The following PLA1A variants were observed in gnomAD, a reference collection of about 807,000 sequenced individuals.
PLA1A encodes phosphatidylserine-specific phospholipase A1alpha.
Under a neutral mutation model 49.4 loss-of-function variants are expected in PLA1A, and 47 were observed. The observed-to-expected ratio is 0.95, with a 90% CI of 0.75 to 1.21. The LOEUF (loss-of-function observed/expected upper bound fraction) is 1.21, where lower values mean the gene tolerates loss of function less well. Among genes scored for constraint, PLA1A ranks in the 50% most tolerant of loss-of-function variants. PLA1A has a pLI of 0.00. For synonymous variants in PLA1A, 224 were observed against 207.9 expected (o/e 1.08, Z -0.67); for missense variants, 561 against 563.9 (o/e 0.99, Z 0.05).
intron 5 of PLA1A, among the ~76,000 whole-genome samples, chr3:119,614,758 C>CT (rs1005681332): frequency 7.5e-4 from 113 of 151,584 alleles, no homozygotes; most frequent in Admixed American, 3.4e-3. Context: ...AAAAAACATT[C>CT]TATTTATTCA....
chr3:119,605,760 T>G (rs2082678002), intron 1 of PLA1A, among the ~76,000 whole-genome samples: 3 of 152,248 alleles, frequency 2.0e-5, no homozygotes, highest in African/African-American at 7.2e-5. Context: ...GGCCAGATTT[T>G]CAGCTCCCTG....
At chr3:119,617,874 T>C in intron 6 of PLA1A, 145 bp from the exon 7 acceptor site, 1 of 575,242 alleles carries the variant, frequency 1.7e-6, no homozygotes, top group South Asian at 2.9e-5. Context: ...CCATGTACAC[T>C]AATATTCTGA....
chr3:119,612,969 C>A, intron 4 of PLA1A, 48 bp from the exon 5 acceptor site: 2 of 1,238,816 alleles, frequency 1.6e-6, no homozygotes, highest in Non-Finnish European at 2.3e-6. Context: ...CATGAATGTT[C>A]CTGCAGCTGA....
chr3:119,603,956 C>CT (rs2076890131), intron 1 of PLA1A, among the ~76,000 whole-genome samples: 3 of 152,232 alleles, frequency 2.0e-5, no homozygotes, highest in Admixed American at 6.5e-5. Context: ...AACTCAACCA[C>CT]TAGAGCTTCC....
At chr3:119,620,529 A>G (rs13318540) in intron 8 of PLA1A, among the ~76,000 whole-genome samples, 74,710 of 152,056 alleles carry the variant, frequency 0.49, 19,068 homozygotes, top group East Asian at 0.89. Context: ...GTGATCAGGA[A>G]CAAGTTATTT....
chr3:119,618,929 T>C (rs997097128), intron 7 of PLA1A, among the ~76,000 whole-genome samples: 2 of 152,224 alleles, frequency 1.3e-5, no homozygotes, highest in African/African-American at 4.8e-5. Flanking sequence ...GTAGGGTAGC[T>C]TCCAATGATA....
Position 119,618,100 on chromosome 3 carries a change from C to A in PLA1A, c.836C>A (p.Ala279Asp). 1 of 1,613,938 alleles carries A rather than the reference C, an allele frequency of 6.2e-7. No individual in the cohort carries two copies. Among genetic ancestry groups the A allele is most frequent in the Non-Finnish European group, 8.5e-7 (1 of 1,179,824 alleles). The change falls in exon 7 of 11, where the codon GCC becomes GAC. Residue 279 changes from alanine to aspartate, a missense_variant. Physicochemically the swap from Ala to Asp is moderately radical, Grantham distance 126 (BLOSUM62 -2). Coordinates refer to ENST00000273371, the MANE Select transcript of PLA1A (RefSeq NM_015900.4). Reference protein sequence around the residue: ...SALENSCPLMAFPCASYKAFL... With the variant: ...SALENSCPLMDFPCASYKAFL... ...CTGGAGAATTCCTGTCCACTGATGG[C>A]CTTTCCCTGTGCCAGCTACAAGGCC...
intron 7 of PLA1A, among the ~76,000 whole-genome samples, chr3:119,619,199 G>T (rs1260834647): frequency 6.6e-6 from 1 of 152,186 alleles, no homozygotes; most frequent in Non-Finnish European, 1.5e-5. Context: ...CTAGTCTTCA[G>T]GTCAAACACT....
chr3:119,606,724 A>C (rs1180946240), intron 1 of PLA1A, 50 bp from the exon 2 acceptor site: 1 of 1,470,728 alleles, frequency 6.8e-7, no homozygotes, highest in Non-Finnish European at 9.5e-7. Flanking sequence ...CCTTCTAAGA[A>C]CAGATGACCT....
At chr3:119,615,848 AAAG>A (rs889046019) in intron 5 of PLA1A, among the ~76,000 whole-genome samples, 161 bp from the exon 6 acceptor site, 1 of 151,974 alleles carries the variant, frequency 6.6e-6, no homozygotes, top group African/African-American at 2.4e-5. Flanking sequence ...AAAGAAAAGA[AAAG>A]AAAAGAAAAG....
chr3:119,618,225 G>A (rs756999514), intron 7 of PLA1A, 39 bp downstream of exon 7: 6 of 1,538,490 alleles, frequency 3.9e-6, no homozygotes, highest in Non-Finnish European at 5.3e-6. Flanking sequence ...GACAATGTGG[G>A]GAAGTTCAAG....
At chr3:119,614,117 C>G (rs1338190227) in intron 5 of PLA1A, among the ~76,000 whole-genome samples, 3 of 152,126 alleles carry the variant, frequency 2.0e-5, no homozygotes, top group Non-Finnish European at 4.4e-5. Context: ...GCTTGCAGCT[C>G]AAGTTAGAGA....
chr3:119,613,445 TG>T (rs1560081820), intron 5 of PLA1A, among the ~76,000 whole-genome samples: 1 of 152,264 alleles, frequency 6.6e-6, no homozygotes, highest in Non-Finnish European at 1.5e-5. Flanking sequence ...CATTGCTGCC[TG>T]GCTGACTTAC....
At chr3:119,620,814 A>G (rs2082918906) in intron 8 of PLA1A, among the ~76,000 whole-genome samples, 1 of 152,180 alleles carries the variant, frequency 6.6e-6, no homozygotes, top group South Asian at 2.1e-4. Context: ...TCATGTCCTT[A>G]TCAGCTCTTT....
At chr3:119,627,561 C>T (rs2052559421) in intron 9 of PLA1A, among the ~76,000 whole-genome samples, 3 of 152,208 alleles carry the variant, frequency 2.0e-5, no homozygotes, top group Admixed American at 1.3e-4. Context: ...CAAAGAGGCC[C>T]TATCACCACT....
At chr3:119,600,128 T>G (rs1183646635) in intron 1 of PLA1A, 2 of 471,758 alleles carry the variant, frequency 4.2e-6, no homozygotes, top group Non-Finnish European at 7.6e-6. Context: ...AGAGCTCAAA[T>G]GATCGGGAGG....
rs576146648 is a variant in PLA1A at position 119,602,914 on chromosome 3, A to G, written c.74-3860A>G. Among the ~76,000 whole-genome samples the G allele has an allele frequency of 6.6e-5, 10 of 152,308 alleles. No individual in the cohort carries two copies. In the South Asian group the frequency reaches 1.7e-3, roughly 25 times the overall value. On this transcript the variant is annotated intron_variant, in intron 1 of 10. Coordinates refer to ENST00000273371, the MANE Select transcript of PLA1A (RefSeq NM_015900.4). ...GAAGGAGGGGAAGGAACTGCCATGT[A>G]GATACATAAGGGAAATGCATTCCAG...
rs200470239 is a variant in PLA1A at position 119,629,428 on chromosome 3, G to C, written c.1331G>C (p.Ser444Thr). 3.1e-4 allele frequency: 493 copies of C among 1,611,980 alleles called. No homozygotes were observed. Among genetic ancestry groups the C allele is most frequent in the Non-Finnish European group, 4.0e-4 (470 of 1,178,274 alleles). The change falls in exon 11 of 11, where the codon AGT (serine) becomes ACT (threonine). Residue 444 changes from serine (S) to threonine (T), a missense_variant. By Grantham distance (58) the Ser-to-Thr change is moderately conservative. Transcript: ENST00000273371. ...CCTGAACCAGTGAACTTACAAGCAA[G>C]TGTGACTGTTTCCTGTGACCTGAAG... ...CLPEPVNLQA[S>T]VTVSCDLKIA... is the part of the protein sequence containing the mutation.
At position 119,629,498 on chromosome 3, in the gene PLA1A, A is replaced by ATATT. The variant is rs1553795318; in HGVS notation, c.*31_*32insATTT. ...ACCTGGGCAGGACACATCTCCCTGC[A>ATATT]TTTTTTTTTTTTTTTTGAGAGAGAG... On this transcript the variant is annotated 3_prime_UTR_variant, in exon 11 of 11. Transcript: ENST00000273371. 3.4e-3 allele frequency: 2,976 copies of ATATT among 874,846 alleles called. 11 individuals are homozygous for ATATT. The highest frequency in any genetic ancestry group is 4.8e-3 in the Non-Finnish European group (2,705 of 565,192). 54.2% of individuals were successfully genotyped at this position (874,846 alleles called of 1,614,324 possible).
Sources: gnomAD v4.1 joint callset for allele counts (sites outside exome capture counted in the v4.1 genomes callset) on GRCh38, gnomAD v4.1.1 for gene constraint, MANE v1.5 for transcripts, NCBI Gene and HGNC (gene_info 2026-07-23, HGNC 2026-07-21) for gene names.